USP34: variants seen among roughly 807,000 people sequenced by gnomAD.
The protein encoded by USP34 is ubiquitin specific peptidase 34.
In USP34, 70 loss-of-function variants were observed where a neutral mutation model predicts 460.3. The observed-to-expected ratio is 0.15, with a 90% CI of 0.13 to 0.19. The LOEUF is 0.19. Ranked by LOEUF, USP34 falls within the 10% of genes least tolerant of loss-of-function variation. The probability of loss-of-function intolerance (pLI) is 1.00; values close to 1 mark genes in which losing one functional copy is unlikely to be tolerated. For missense variants in USP34, 3,985 were observed against 4,236.2 expected (o/e 0.94, Z 1.65); for synonymous variants, 1,647 against 1,405.3 (o/e 1.17, Z -3.85).
chr2:61,432,423 A>G (rs980974926), intron 1 of USP34, among the ~76,000 whole-genome samples: 1 of 152,008 alleles, frequency 6.6e-6, no homozygotes, highest in African/African-American at 2.4e-5. Context: ...GCTGCAGTGA[A>G]CCAGGAGCAT....
intron 34 of USP34, among the ~76,000 whole-genome samples, chr2:61,286,690 A>G (rs1689700379): frequency 6.6e-6 from 1 of 152,314 alleles, no homozygotes; most frequent in Non-Finnish European, 1.5e-5. Flanking sequence ...TGTGCATAGA[A>G]AAAAATCTCT....
At chr2:61,396,807 A>C (rs1039131448) in intron 3 of USP34, among the ~76,000 whole-genome samples, 1 of 152,174 alleles carries the variant, frequency 6.6e-6, no homozygotes, top group Admixed American at 6.5e-5. Flanking sequence ...AAAAATAATA[A>C]GGTGAAAAAG....
rs377568260 is a variant in USP34 at position 61,293,494 on chromosome 2, T to C, written c.4518A>G (p.Leu1506=). The C allele has an allele frequency of 4.2e-5, 68 of 1,612,970 alleles. No homozygotes were observed. The highest frequency in any genetic ancestry group is 5.3e-5 in the Non-Finnish European group (63 of 1,179,444). Residue 1506 remains leucine, a synonymous_variant, in exon 33 of 80, where the codon CTA becomes CTG. Transcript: ENST00000398571. ...TCCATGATTCCTGCTCTTTAGGCTC[T>C]AGAATTCCAGAATTAAAAATTTCTA... is the stretch of plus-strand genomic sequence containing the variant. ...QLLEIFNSGI[L]EPKEQESWTV... is the part of the protein sequence containing the mutation.
chr2:61,431,366 G>A (rs911302955), intron 1 of USP34, among the ~76,000 whole-genome samples: 8 of 152,082 alleles, frequency 5.3e-5, no homozygotes, highest in Non-Finnish European at 1.2e-4. Context: ...GAGACTACAG[G>A]TGCATTTCAC....
At chr2:61,328,413 C>T (rs181944858) in intron 20 of USP34, among the ~76,000 whole-genome samples, 25 of 151,890 alleles carry the variant, frequency 1.6e-4, no homozygotes, top group African/African-American at 5.3e-4. Flanking sequence ...TTTCCCCCCT[C>T]GGTGAAAAAT....
intron 6 of USP34, among the ~76,000 whole-genome samples, chr2:61,381,991 C>T (rs1447416828): frequency 6.6e-6 from 1 of 152,028 alleles, no homozygotes; most frequent in Non-Finnish European, 1.5e-5. Context: ...ACAATGCTAC[C>T]CTTTTCTTTA....
intron 62 of USP34, among the ~76,000 whole-genome samples, chr2:61,225,326 T>C (rs1332048211): frequency 6.6e-6 from 1 of 152,148 alleles, no homozygotes; most frequent in African/African-American, 2.4e-5. Flanking sequence ...AATACTTTTA[T>C]TACAAATAAT....
At chr2:61,448,694 A>G (rs1695186969) in intron 1 of USP34, among the ~76,000 whole-genome samples, 1 of 152,374 alleles carries the variant, frequency 6.6e-6, no homozygotes, top group Admixed American at 6.5e-5. Context: ...AACAATTTAC[A>G]AATGAGTTCA....
chr2:61,250,290 G>C (rs1410232172), intron 48 of USP34: 1 of 184,216 alleles, frequency 5.4e-6, no homozygotes, highest in African/African-American at 2.4e-5. Context: ...CATTTTGAAA[G>C]AAAAACCTCA....
At position 61,190,293 on chromosome 2, in the gene USP34, T is replaced by C; in HGVS notation, c.9851A>G (p.Lys3284Arg). ...TACCCCATTTAAAGAAGCACTTGCT[T>C]TGGAAATTTCAACTCGGTTGGAGAA... ...SDFSNRVEIS[K>R]ASASLNGDLR... is the part of the protein sequence containing the mutation. Residue 3284 changes from lysine to arginine, a missense_variant, in exon 78 of 80, where the codon AAA (lysine) becomes AGA (arginine). This residue lies in a region of USP34 where 506 missense variants were observed against 439.0 expected (regional missense o/e 1.15). Transcript: ENST00000398571. 2 of 1,613,228 alleles carry C rather than the reference T, an allele frequency of 1.2e-6. No homozygotes were observed. The highest frequency in any genetic ancestry group is 1.7e-6 in the Non-Finnish European group (2 of 1,179,774).
At chr2:61,239,508 G>C (rs1274158525) in intron 53 of USP34, among the ~76,000 whole-genome samples, 1 of 151,878 alleles carries the variant, frequency 6.6e-6, no homozygotes, top group East Asian at 1.9e-4. Context: ...ATATCTTTAG[G>C]GCAAAAGGCT....
In USP34 at chr2:61,427,243, T is replaced by G. The variant is rs538145709; in HGVS notation, c.44-6410A>C. 4.7e-4 allele frequency among the ~76,000 whole-genome samples: 72 copies of G among 152,322 alleles called. No individual in the cohort carries two copies. In the East Asian group the frequency reaches 0.014, roughly 29 times the overall value. Reference sequence around the variant, plus strand: ...CAGGGTTTCACCATGTTAGCCAGGATAGTCTCGATCTCCTGACCTCGTGAT... The same window carrying G: ...CAGGGTTTCACCATGTTAGCCAGGAGAGTCTCGATCTCCTGACCTCGTGAT... On this transcript the variant is annotated intron_variant, in intron 1 of 79. Coordinates refer to ENST00000398571, the MANE Select transcript of USP34 (RefSeq NM_014709.4).
chr2:61,248,629 T>C lies in USP34; in HGVS notation c.6276A>G (p.Thr2092=). 1 of 1,606,220 alleles carries C rather than the reference T, an allele frequency of 6.2e-7. No individual in the cohort carries two copies. Among genetic ancestry groups the C allele is most frequent in the Non-Finnish European group, 8.5e-7 (1 of 1,175,000 alleles). The part of the protein sequence containing the change: ...RILSFNTMRY[T]FNMVTMMKEK... ...CTTTCATCATCGTGACCATATTAAA[T>C]GTGTATCTCATAGTATTGAAACTCA... Residue 2092 remains threonine, a synonymous_variant, in exon 49 of 80, where the codon ACA becomes ACG. Coordinates refer to ENST00000398571, the MANE Select transcript of USP34 (RefSeq NM_014709.4).
intron 1 of USP34, among the ~76,000 whole-genome samples, chr2:61,429,663 C>G (rs902870937): frequency 1.3e-5 from 2 of 152,070 alleles, no homozygotes; most frequent in African/African-American, 4.8e-5. Flanking sequence ...GAATTCTATT[C>G]AGCAATAAAA....
chr2:61,284,822 AC>A (rs1234851285), intron 35 of USP34, 52 bp downstream of exon 35: 45 of 1,398,090 alleles, frequency 3.2e-5, no homozygotes, highest in Admixed American at 4.5e-5. Flanking sequence ...AAGTTTTAAA[AC>A]ATTATATTCC....
chr2:61,433,952 A>G (rs1327776082), intron 1 of USP34, among the ~76,000 whole-genome samples: 4 of 152,142 alleles, frequency 2.6e-5, no homozygotes, highest in African/African-American at 9.7e-5. Context: ...TTGGTCCCGC[A>G]CAGCAGGGAA....
At chr2:61,329,800 C>T (rs933881062) in intron 20 of USP34, among the ~76,000 whole-genome samples, 4 of 152,122 alleles carry the variant, frequency 2.6e-5, no homozygotes, top group African/African-American at 9.7e-5. Context: ...TTCTTATAAA[C>T]ACTTATAAGG....
In USP34 at chr2:61,239,809, C is replaced by T. The variant is rs564369575; in HGVS notation, c.6777+1751G>A. On this transcript the variant is annotated intron_variant, in intron 53 of 79. Coordinates refer to ENST00000398571, the MANE Select transcript of USP34 (RefSeq NM_014709.4). ...GGATCAGGAGGTCAAGAGATTGAGACCATCCTGGCTAACACAGTGAAACCC... is the reference window on the plus strand; with the variant it reads ...GGATCAGGAGGTCAAGAGATTGAGATCATCCTGGCTAACACAGTGAAACCC... Among the ~76,000 whole-genome samples the T allele has an allele frequency of 2.2e-4, 33 of 152,132 alleles. No individual in the cohort carries two copies. In the East Asian group the frequency reaches 6.0e-3, roughly 28 times the overall value.
At chr2:61,218,908 T>C (rs1437371674) in intron 67 of USP34, among the ~76,000 whole-genome samples, 1 of 152,236 alleles carries the variant, frequency 6.6e-6, no homozygotes, top group Non-Finnish European at 1.5e-5. Context: ...TGAGTTGTAC[T>C]GTAAAGTTTC....
Sources: gnomAD v4.1 joint callset for allele counts (sites outside exome capture counted in the v4.1 genomes callset) on GRCh38, gnomAD v4.1.1 for gene constraint, gnomAD v4.1.1 regional missense constraint, MANE v1.5 for transcripts, NCBI Gene and HGNC (gene_info 2026-07-23, HGNC 2026-07-21) for gene names.